The following PSD3 variants were observed in gnomAD, a reference collection of about 807,000 sequenced individuals.
The protein encoded by PSD3 is pleckstrin and Sec7 domain containing 3.
Under a neutral mutation model 105.5 loss-of-function variants are expected in PSD3, and 49 were observed. That is an observed-to-expected ratio of 0.46 (90% CI 0.37 to 0.59). PSD3 has a LOEUF of 0.59. Among genes scored for constraint, PSD3 ranks in the 20% least tolerant of loss-of-function variants. PSD3 has a pLI of 0.00. For synonymous variants in PSD3, 557 were observed against 457.8 expected (o/e 1.22, Z -2.77); for missense variants, 1,561 against 1,263.8 (o/e 1.24, Z -3.57).
intron 1 of PSD3, among the ~76,000 whole-genome samples, chr8:19,052,152 T>C (rs534176587): frequency 6.6e-6 from 1 of 151,842 alleles, no homozygotes; most frequent in African/African-American, 2.4e-5. Flanking sequence ...GCCACTGTGG[T>C]GAGAAAGTCA....
intron 9 of PSD3, among the ~76,000 whole-genome samples, chr8:18,737,883 G>A (rs773152088): frequency 6.6e-6 from 1 of 152,084 alleles, no homozygotes; most frequent in Non-Finnish European, 1.5e-5. Flanking sequence ...TATTGTTTTT[G>A]CAAGTATGCC....
rs907573206 is a variant in PSD3 at position 18,938,843 on chromosome 8, T to C, written c.22-2701A>G. 1.4e-4 allele frequency among the ~76,000 whole-genome samples: 21 copies of C among 152,264 alleles called. 1 individual carries two copies. Among genetic ancestry groups the C allele is most frequent in the Middle Eastern group, 6.8e-3 (2 of 294 alleles). Reference sequence around the variant, plus strand: ...GCTAAATAACTTTTCCAAAGATATATAGATCCTAGATTCACACCCGAGCAG... The same window carrying C: ...GCTAAATAACTTTTCCAAAGATATACAGATCCTAGATTCACACCCGAGCAG... On this transcript the variant is annotated intron_variant, in intron 1 of 15. Coordinates refer to ENST00000327040, the MANE Select transcript of PSD3 (RefSeq NM_015310.4).
At chr8:18,921,069 T>C (rs974426600) in intron 2 of PSD3, among the ~76,000 whole-genome samples, 1 of 152,232 alleles carries the variant, frequency 6.6e-6, no homozygotes, top group African/African-American at 2.4e-5. Context: ...GTTTCACAGA[T>C]ATGAGAAACC....
chr8:18,593,739 G>T (rs1390451023), intron 12 of PSD3, among the ~76,000 whole-genome samples: 1 of 152,146 alleles, frequency 6.6e-6, no homozygotes, highest in South Asian at 2.1e-4. Flanking sequence ...GTCCATCAGT[G>T]ATAGACTGGA....
rs975238283 is a variant in PSD3 at position 18,530,780 on chromosome 8, G to T, written c.*4963C>A. ...CAGTACACTGCAAAAGATTCACAAGGTTAGTTGAAAGTCATTTTTGCCCTG... is the reference window on the plus strand; with the variant it reads ...CAGTACACTGCAAAAGATTCACAAGTTTAGTTGAAAGTCATTTTTGCCCTG... On this transcript the variant is annotated 3_prime_UTR_variant, in exon 16 of 16. Transcript: ENST00000327040. 2 of 151,708 alleles carry T rather than the reference G, an allele frequency of 1.3e-5. No homozygotes were observed. Among genetic ancestry groups the T allele is most frequent in the African/African-American group, 2.4e-5 (1 of 41,258 alleles). 9.4% of individuals were successfully genotyped at this position (151,708 alleles called of 1,614,324 possible). A position where few individuals can be genotyped will look rare whatever the true frequency, so the allele number is the denominator to read the frequency against.
chr8:18,793,502 A>ATT (rs1809942778), intron 8 of PSD3, among the ~76,000 whole-genome samples: 1 of 152,146 alleles, frequency 6.6e-6, no homozygotes. Context: ...AGAAATCAAA[A>ATT]GATCTTTGCA....
chr8:18,778,603 T>A (rs1208795639), intron 8 of PSD3, among the ~76,000 whole-genome samples: 1 of 152,066 alleles, frequency 6.6e-6, no homozygotes, highest in Non-Finnish European at 1.5e-5. Flanking sequence ...ATACATGGCG[T>A]TTACTATGAT....
intron 12 of PSD3, among the ~76,000 whole-genome samples, chr8:18,577,613 T>C (rs1466475625): frequency 1.2e-4 from 3 of 24,280 alleles, no homozygotes; most frequent in Non-Finnish European, 4.0e-4. Context: ...AATGTTCTTC[T>C]TTATCCGTTT....
At position 18,765,934 on chromosome 8, in the gene PSD3, C is replaced by A. The variant is rs111692640; in HGVS notation, c.2083-396G>T. Among the ~76,000 whole-genome samples the A allele has an allele frequency of 5.5e-3, 830 of 150,522 alleles. 6 individuals carry two copies. Among genetic ancestry groups the A allele is most frequent in the Non-Finnish European group, 8.5e-3 (572 of 67,686 alleles). On this transcript the variant is annotated intron_variant, in intron 8 of 15. Transcript: ENST00000327040. ...AGCGAGCGGAGATGGTGCCACTGCA[C>A]TCCAGCGTGGGTGACAGAGCGAGAC...
chr8:18,662,543 A>T (rs1002059734), intron 9 of PSD3, among the ~76,000 whole-genome samples: 2 of 152,246 alleles, frequency 1.3e-5, no homozygotes. Flanking sequence ...TGAGCAAAGA[A>T]TTTGAAACGG....
intron 1 of PSD3, chr8:18,999,891 A>G (rs945377203): frequency 6.6e-6 from 1 of 151,706 alleles, no homozygotes; most frequent in Admixed American, 6.6e-5. Context: ...TGTTTTAGTA[A>G]CGCTTCTAAA....
chr8:18,586,930 G>A (rs1225747530), intron 12 of PSD3, among the ~76,000 whole-genome samples: 4 of 152,066 alleles, frequency 2.6e-5, no homozygotes, highest in African/African-American at 7.2e-5. Context: ...AGGCCCTTAA[G>A]GATAGACGCC....
At chr8:19,059,977 G>A (rs1363642978) in intron 1 of PSD3, among the ~76,000 whole-genome samples, 1 of 152,212 alleles carries the variant, frequency 6.6e-6, no homozygotes, top group Non-Finnish European at 1.5e-5. Context: ...AAGCCTGCAC[G>A]GGCTGCTGTC....
chr8:18,669,565 A>G (rs1240952344), intron 9 of PSD3, among the ~76,000 whole-genome samples: 3 of 152,244 alleles, frequency 2.0e-5, no homozygotes, highest in African/African-American at 7.2e-5. Context: ...GAGGGCAGGG[A>G]GCATCCACAG....
At chr8:18,811,312 G>C (rs1053861573) in intron 4 of PSD3, among the ~76,000 whole-genome samples, 1 of 152,078 alleles carries the variant, frequency 6.6e-6, no homozygotes, top group Admixed American at 6.6e-5. Context: ...TATCCATTTT[G>C]CTCCTGCCAG....
At chr8:18,593,794 C>A (rs561153615) in intron 12 of PSD3, among the ~76,000 whole-genome samples, 1 of 151,488 alleles carries the variant, frequency 6.6e-6, no homozygotes, top group Non-Finnish European at 1.5e-5. Flanking sequence ...CTATGCAGCC[C>A]TAAAAAAGGA....
chr8:18,746,492 G>C (rs775128619), intron 9 of PSD3, among the ~76,000 whole-genome samples: 34 of 152,162 alleles, frequency 2.2e-4, no homozygotes, highest in Non-Finnish European at 4.0e-4. Context: ...GGGCACACCA[G>C]CGTGGCCAAG....
intron 8 of PSD3, among the ~76,000 whole-genome samples, chr8:18,777,095 T>A (rs750566258): frequency 3.9e-5 from 6 of 152,180 alleles, no homozygotes; most frequent in Admixed American, 6.5e-5. Flanking sequence ...CAGACTGGAG[T>A]GCAGTGGAAC....
chr8:18,590,878 A>C (rs1301550174), intron 12 of PSD3, among the ~76,000 whole-genome samples: 1 of 152,182 alleles, frequency 6.6e-6, no homozygotes, highest in Non-Finnish European at 1.5e-5. Context: ...AATGTTTCTA[A>C]AAAACTTTTA....
Sources: gnomAD v4.1 joint callset for allele counts (sites outside exome capture counted in the v4.1 genomes callset) on GRCh38, gnomAD v4.1.1 for gene constraint, MANE v1.5 for transcripts, NCBI Gene and HGNC (gene_info 2026-07-23, HGNC 2026-07-21) for gene names.